Variants in HM13 observed in about 807,000 individuals in gnomAD.
HM13 encodes the protein histocompatibility minor 13, also known as signal peptide peptidase.
Under a neutral mutation model 50.0 loss-of-function variants are expected in HM13, and 18 were observed. That is an observed-to-expected ratio of 0.36 (90% CI 0.25 to 0.53). The LOEUF (loss-of-function observed/expected upper bound fraction) is 0.53. HM13 is among the 20% of genes least tolerant of loss of function. The probability of loss-of-function intolerance (pLI) is 0.90; values close to 1 mark genes in which losing one functional copy is unlikely to be tolerated. For synonymous variants in HM13, 197 were observed against 232.6 expected (o/e 0.85, Z 1.39); for missense variants, 393 against 552.4 (o/e 0.71, Z 2.89).
intron 7 of HM13, among the ~76,000 whole-genome samples, chr20:31,551,788 G>A (rs899167710): frequency 2.0e-5 from 3 of 152,202 alleles, no homozygotes; most frequent in Non-Finnish European, 2.9e-5. Context: ...TGTCTTTCTC[G>A]TGACTCACTC....
In HM13 at chr20:31,527,675, T is replaced by C. The variant is rs1236673907; in HGVS notation, c.282+93T>C. The C allele has an allele frequency of 3.4e-6, 3 of 878,532 alleles. No individual in the cohort carries two copies. In the African/African-American group the frequency reaches 5.1e-5, roughly 15 times the overall value. The allele number at this position is 878,532 out of a possible 1,614,324, so 54.4% of individuals were successfully genotyped here. On this transcript the variant is annotated intron_variant, in intron 2 of 12. Transcript: ENST00000398174. ...CCATCACAAGAACCATGCATGTTCA[T>C]TTATAGAAAATAAAGAAGAAAGAAA...
Position 31,565,264 on chromosome 20 carries a change from A to G in HM13, c.949-946A>G, listed in dbSNP as rs139417812. ...GAGGCCGAGGCAGGTGGATCACCTG[A>G]GGTCAGGAGTTCGAGACCACCATGG... On this transcript the variant is annotated intron_variant, in intron 10 of 12. Coordinates refer to ENST00000398174, the MANE Select transcript of HM13 (RefSeq NM_178581.3). 4.8e-3 allele frequency among the ~76,000 whole-genome samples: 732 copies of G among 151,742 alleles called. 7 individuals carry two copies. The highest frequency in any genetic ancestry group is 0.017 in the African/African-American group (695 of 41,352).
chr20:31,540,365 T>G (rs1427794608), intron 3 of HM13: 3 of 152,232 alleles, frequency 2.0e-5, no homozygotes, highest in Admixed American at 6.6e-5. Flanking sequence ...TTGGGTGTCC[T>G]CCTTTCCCAT....
chr20:31,568,117 G>T lies in HM13; in HGVS notation c.1074G>T (p.Arg358Ser). 1 of 1,612,880 alleles carries T rather than the reference G, an allele frequency of 6.2e-7. No individual in the cohort carries two copies. The highest frequency in any genetic ancestry group is 2.2e-5 in the East Asian group (1 of 44,842). Residue 358 changes from arginine to serine, a missense_variant, in exon 12 of 13, where the codon AGG (arginine) becomes AGT (serine). This residue lies in a region of HM13 where 105 missense variants were observed against 115.9 expected (regional missense o/e 0.91). Transcript: ENST00000398174. ...CGGAAATCCTGCCTCATACCCCGAG[G>T]CTCACCCACTTCCCCACAGTCTCGG... Reference protein sequence around the residue: ...SSAEILPHTPRLTHFPTVSGS... With the variant: ...SSAEILPHTPSLTHFPTVSGS...
chr20:31,520,425 T>C (rs974233379), intron 1 of HM13, among the ~76,000 whole-genome samples: 3 of 152,058 alleles, frequency 2.0e-5, no homozygotes, highest in South Asian at 2.1e-4. Context: ...TGCCTCAGCC[T>C]CCCAAGTAGC....
rs370124789 is a variant in HM13, at chr20:31,563,593, G to C, written c.948+1857G>C. 1.1e-3 allele frequency among the ~76,000 whole-genome samples: 168 copies of C among 152,156 alleles called. 3 individuals are homozygous for C. In the South Asian group the frequency reaches 0.034, roughly 31 times the overall value. On this transcript the variant is annotated intron_variant, in intron 10 of 12. Transcript: ENST00000398174. ...CCCACCTCAGCCTCCCAAAGTGCTGGGATTACAAGCGTGAGCCACCACACC... is the reference window on the plus strand; with the variant it reads ...CCCACCTCAGCCTCCCAAAGTGCTGCGATTACAAGCGTGAGCCACCACACC...
intron 8 of HM13, among the ~76,000 whole-genome samples, chr20:31,556,848 G>A (rs1243811978): frequency 3.9e-5 from 6 of 151,936 alleles, no homozygotes; most frequent in Non-Finnish European, 5.9e-5. Flanking sequence ...GTGAAACCCC[G>A]TCTCTACTAA....
rs6120613 is a variant in HM13, at chr20:31,525,159, A to G, written c.184-2325A>G. ...TTCCTTTAGCCAGGCACAGTGGTGCATGCCTGTAATCCCAGCTACTTGGGA... is the reference window on the plus strand; with the variant it reads ...TTCCTTTAGCCAGGCACAGTGGTGCGTGCCTGTAATCCCAGCTACTTGGGA... On this transcript the variant is annotated intron_variant, in intron 1 of 12. Transcript: ENST00000398174. Among the ~76,000 whole-genome samples, 703 of 152,266 alleles carry G rather than the reference A, an allele frequency of 4.6e-3. 6 individuals carry two copies. Among genetic ancestry groups the G allele is most frequent in the African/African-American group, 0.017 (686 of 41,538 alleles).
chr20:31,549,350 G>A lies in HM13; in HGVS notation c.666+18G>A. ...TCTTCTGGGTGAGTCAGGCAGGGATGCCAAGGATGTCTGGCTCCGGGGCCA... is the reference window on the plus strand; with the variant it reads ...TCTTCTGGGTGAGTCAGGCAGGGATACCAAGGATGTCTGGCTCCGGGGCCA... On this transcript the variant is annotated intron_variant, in intron 6 of 12. Transcript: ENST00000398174. 1 of 1,613,968 alleles carries A rather than the reference G, an allele frequency of 6.2e-7. No individual in the cohort carries two copies. The highest frequency in any genetic ancestry group is 1.3e-5 in the African/African-American group (1 of 75,052).
intron 1 of HM13, among the ~76,000 whole-genome samples, chr20:31,515,481 C>CA (rs564983955): frequency 6.5e-4 from 99 of 152,350 alleles, no homozygotes; most frequent in Non-Finnish European, 1.2e-3. Context: ...ATGGCCTAGT[C>CA]AAAACCTAGA....
rs146666616 is a variant in HM13, at chr20:31,529,090, C to A, written c.282+1508C>A. On this transcript the variant is annotated intron_variant, in intron 2 of 12. Coordinates refer to ENST00000398174, the MANE Select transcript of HM13 (RefSeq NM_178581.3). Reference sequence around the variant, plus strand: ...ATCATGGCTCACTGCAACCTCAATTCCTGGACTCAAGTGGAAAACCGACTG... The same window carrying A: ...ATCATGGCTCACTGCAACCTCAATTACTGGACTCAAGTGGAAAACCGACTG... Among the ~76,000 whole-genome samples the A allele has an allele frequency of 5.3e-3, 811 of 152,204 alleles. 4 individuals are homozygous for A. Among genetic ancestry groups the A allele is most frequent in the African/African-American group, 0.019 (776 of 41,518 alleles).
intron 12 of HM13, 28 bp from the exon 13 acceptor site, chr20:31,569,092 T>G: frequency 6.9e-7 from 1 of 1,458,746 alleles, no homozygotes; most frequent in Non-Finnish European, 9.3e-7. Flanking sequence ...AAATGAATTT[T>G]TATTGTTGTT....
intron 12 of HM13, among the ~76,000 whole-genome samples, chr20:31,568,521 T>C (rs936193387): frequency 4.6e-5 from 7 of 152,242 alleles, no homozygotes; most frequent in African/African-American, 1.4e-4. Flanking sequence ...TGTATAACCT[T>C]AGGCAAGTTA....
chr20:31,521,748 AC>A (rs1375230256), intron 1 of HM13, among the ~76,000 whole-genome samples: 1 of 142,360 alleles, frequency 7.0e-6, no homozygotes, highest in African/African-American at 2.8e-5. Flanking sequence ...AAAAAAAAGT[AC>A]CTGCTTTGTG....
chr20:31,555,476 G>A (rs539067906), intron 8 of HM13, among the ~76,000 whole-genome samples: 1 of 152,246 alleles, frequency 6.6e-6, no homozygotes, highest in South Asian at 2.1e-4. Flanking sequence ...CACATCCTGC[G>A]CAACCACAGC....
At chr20:31,516,553 T>C (rs1367084988) in intron 1 of HM13, among the ~76,000 whole-genome samples, 1 of 152,194 alleles carries the variant, frequency 6.6e-6, no homozygotes, top group Non-Finnish European at 1.5e-5. Context: ...GAGGTAGGCC[T>C]GAGCCTTGAC....
chr20:31,557,234 C>G (rs1168883853), intron 8 of HM13, among the ~76,000 whole-genome samples: 1 of 152,176 alleles, frequency 6.6e-6, no homozygotes, highest in African/African-American at 2.4e-5. Context: ...TAGAAGGCAT[C>G]TCTGTCAGAC....
intron 2 of HM13, 46 bp from the exon 3 acceptor site, chr20:31,538,133 C>A: frequency 6.2e-7 from 1 of 1,606,174 alleles, no homozygotes; most frequent in Non-Finnish European, 8.5e-7. Flanking sequence ...TCCTCACAGC[C>A]ACTGGCAACC....
At chr20:31,516,346 T>G (rs1981776063) in intron 1 of HM13, among the ~76,000 whole-genome samples, 1 of 152,192 alleles carries the variant, frequency 6.6e-6, no homozygotes, top group South Asian at 2.1e-4. Context: ...GGCAACAGTA[T>G]TTCCTGAACT....
Sources: allele counts gnomAD v4.1 joint callset (sites outside exome capture counted in the v4.1 genomes callset), GRCh38; gene constraint gnomAD v4.1.1; regional missense constraint gnomAD v4.1.1; transcripts MANE v1.5; gene names NCBI Gene and HGNC (gene_info 2026-07-23, HGNC 2026-07-21).